Variants in WWOX observed in about 807,000 individuals in gnomAD.
WWOX encodes the protein WW domain-containing oxidoreductase.
In WWOX, 69 loss-of-function variants were observed where a neutral mutation model predicts 46.2. That is an observed-to-expected ratio of 1.49 (90% CI 1.23 to 1.82). WWOX has a LOEUF of 1.82. Ranked by LOEUF, WWOX falls within the 40% of genes most tolerant of loss-of-function variation. WWOX has a pLI of 0.00. For missense variants in WWOX, 919 were observed against 542.6 expected (o/e 1.69, Z -6.89); for synonymous variants, 359 against 202.6 (o/e 1.77, Z -6.56).
chr16:79,081,899 C>T (rs772532256), intron 8 of WWOX, among the ~76,000 whole-genome samples: 7 of 152,132 alleles, frequency 4.6e-5, no homozygotes, highest in Non-Finnish European at 7.3e-5. Context: ...CTCTGATGGG[C>T]GAGTTCACTC....
In WWOX at chr16:78,923,801, T is replaced by G. The variant is rs1249248634; in HGVS notation, c.1057-287807T>G. Among the ~76,000 whole-genome samples the G allele has an allele frequency of 5.3e-4, 75 of 141,272 alleles. 2 individuals carry two copies. The highest frequency in any genetic ancestry group is 8.2e-4 in the East Asian group (4 of 4,872). The allele number at this position is 141,272 out of a possible 152,430, so 92.7% of individuals were successfully genotyped here. A position where few individuals can be genotyped will look rare whatever the true frequency, so the allele number is the denominator to read the frequency against. ...AGGAACTGTTTTTAGTTAGTTTTTT[T>G]TTTTTTTTTTTTTTTTCAGACGGAG... On this transcript the variant is annotated intron_variant, in intron 8 of 8. Transcript: ENST00000566780.
intron 8 of WWOX, among the ~76,000 whole-genome samples, chr16:78,972,619 C>T (rs932041580): frequency 6.6e-6 from 1 of 152,080 alleles, no homozygotes; most frequent in African/African-American, 2.4e-5. Context: ...TCATAAAGTA[C>T]ATACCGCTGC....
At chr16:78,368,945 C>T (rs902061408) in intron 5 of WWOX, among the ~76,000 whole-genome samples, 5 of 152,148 alleles carry the variant, frequency 3.3e-5, no homozygotes, top group Admixed American at 1.3e-4. Flanking sequence ...CTCTACTGCT[C>T]CTCATAGACT....
chr16:78,178,741 A>G (rs1421113136), intron 5 of WWOX, among the ~76,000 whole-genome samples: 2 of 152,132 alleles, frequency 1.3e-5, no homozygotes, highest in East Asian at 1.9e-4. Context: ...GCGCATGGCT[A>G]TAATCCCAGC....
At chr16:78,608,497 AG>A (rs909845355) in intron 8 of WWOX, among the ~76,000 whole-genome samples, 22 of 152,178 alleles carry the variant, frequency 1.4e-4, no homozygotes, top group African/African-American at 5.1e-4. Flanking sequence ...CCCTTTCAGC[AG>A]GGAAACCGGA....
At chr16:79,018,370 G>A (rs972998962) in intron 8 of WWOX, among the ~76,000 whole-genome samples, 1 of 152,132 alleles carries the variant, frequency 6.6e-6, no homozygotes, top group African/African-American at 2.4e-5. Context: ...TAAACATTAT[G>A]ATTTGTCAGT....
intron 8 of WWOX, among the ~76,000 whole-genome samples, chr16:78,829,060 C>T (rs1271101372): frequency 6.6e-6 from 1 of 151,888 alleles, no homozygotes; most frequent in East Asian, 1.9e-4. Context: ...ATAAGCAGAA[C>T]CATCATAAGT....
Position 78,246,326 on chromosome 16 carries a change from A to G in WWOX, c.516+82037A>G, listed in dbSNP as rs997640855. Among the ~76,000 whole-genome samples, 52 of 152,198 alleles carry G rather than the reference A, an allele frequency of 3.4e-4. 1 individual carries two copies. The highest frequency in any genetic ancestry group is 2.0e-3 in the Admixed American group (30 of 15,278). On this transcript the variant is annotated intron_variant, in intron 5 of 8. Coordinates refer to ENST00000566780, the MANE Select transcript of WWOX (RefSeq NM_016373.4). The stretch of plus-strand genomic sequence containing the variant: ...AGTTTGCCAGGTCCTAACTCCCTTC[A>G]TACATATACTAACATGCAAAAGACC...
intron 8 of WWOX, among the ~76,000 whole-genome samples, chr16:78,539,909 T>C (rs1478073105): frequency 6.6e-6 from 1 of 152,094 alleles, no homozygotes; most frequent in Non-Finnish European, 1.5e-5. Context: ...CCAGTACATA[T>C]TTATAAAACC....
At chr16:78,805,148 A>T (rs1350225651) in intron 8 of WWOX, among the ~76,000 whole-genome samples, 1 of 70,408 alleles carries the variant, frequency 1.4e-5, no homozygotes, top group Non-Finnish European at 3.6e-5. Flanking sequence ...AGATTGTGAA[A>T]TGTTTAAGGA....
At chr16:78,492,374 A>G (rs2084805837) in intron 8 of WWOX, among the ~76,000 whole-genome samples, 2 of 152,200 alleles carry the variant, frequency 1.3e-5, no homozygotes, top group South Asian at 4.2e-4. Context: ...GAGGGACCAC[A>G]TTTGTGACTC....
At chr16:78,802,702 G>C (rs970251819) in intron 8 of WWOX, among the ~76,000 whole-genome samples, 5 of 151,688 alleles carry the variant, frequency 3.3e-5, no homozygotes, top group East Asian at 1.9e-4. Flanking sequence ...GATTACTTGA[G>C]GTCAGGAGTT....
chr16:79,154,437 C>T (rs1301856602), intron 8 of WWOX, among the ~76,000 whole-genome samples: 2 of 151,346 alleles, frequency 1.3e-5, no homozygotes, highest in Non-Finnish European at 2.9e-5. Context: ...ATTTCACTTC[C>T]TCAGCTAAAT....
chr16:78,950,032 T>C (rs1441246876), intron 8 of WWOX, among the ~76,000 whole-genome samples: 2 of 152,244 alleles, frequency 1.3e-5, no homozygotes, highest in African/African-American at 4.8e-5. Flanking sequence ...TCCAAGGCTG[T>C]GCAGCTCTAG....
intron 8 of WWOX, among the ~76,000 whole-genome samples, chr16:78,794,788 G>C (rs964362537): frequency 5.3e-5 from 8 of 152,222 alleles, no homozygotes; most frequent in Admixed American, 1.3e-4. Context: ...TGTGAGCATA[G>C]GCAGATCCTT....
At chr16:78,751,180 C>T (rs541391972) in intron 8 of WWOX, among the ~76,000 whole-genome samples, 4 of 152,078 alleles carry the variant, frequency 2.6e-5, no homozygotes, top group Middle Eastern at 6.8e-3. Flanking sequence ...TAGTACACTA[C>T]ATATAAAAGA....
chr16:78,224,668 G>T (rs1385019128), intron 5 of WWOX, among the ~76,000 whole-genome samples: 2 of 152,126 alleles, frequency 1.3e-5, no homozygotes, highest in Non-Finnish European at 2.9e-5. Flanking sequence ...TCCTTGGTGC[G>T]CTTGGAAGTG....
chr16:78,314,687 G>GTTTTTTTTTTTTTT (rs1567494414), intron 5 of WWOX, among the ~76,000 whole-genome samples: 1 of 92,058 alleles, frequency 1.1e-5, no homozygotes, highest in African/African-American at 6.1e-5. Context: ...ACCCTGCAGG[G>GTTTTTTTTTTTTTT]GTTTTTTTTT....
intron 8 of WWOX, among the ~76,000 whole-genome samples, chr16:78,481,121 A>T (rs542749706): frequency 6.6e-6 from 1 of 152,202 alleles, no homozygotes; most frequent in Non-Finnish European, 1.5e-5. Context: ...TTAAAGATGA[A>T]CATTGCTTTA....
Sources: gnomAD v4.1 joint callset for allele counts (sites outside exome capture counted in the v4.1 genomes callset) on GRCh38, gnomAD v4.1.1 for gene constraint, MANE v1.5 for transcripts, NCBI Gene and HGNC (gene_info 2026-07-23, HGNC 2026-07-21) for gene names.